MYO5B: variants seen among roughly 807,000 people sequenced by gnomAD.
MYO5B encodes unconventional myosin-Vb.
A neutral mutation model predicts 229.3 loss-of-function variants in MYO5B; 143 were observed. That is an observed-to-expected ratio of 0.62 (90% CI 0.54 to 0.72). The LOEUF (loss-of-function observed/expected upper bound fraction) is 0.72. Ranked by LOEUF, MYO5B falls within the 30% of genes least tolerant of loss-of-function variation. MYO5B has a pLI of 0.00. For missense variants in MYO5B, 2,321 were observed against 2,331.0 expected (o/e 1.00, Z 0.09); for synonymous variants, 918 against 885.2 (o/e 1.04, Z -0.66).
At chr18:50,104,893 A>G (rs1263535483) in intron 1 of MYO5B, among the ~76,000 whole-genome samples, 2 of 152,160 alleles carry the variant, frequency 1.3e-5, no homozygotes, top group African/African-American at 2.4e-5. Context: ...CAGCAATCAC[A>G]GAACTCCAAA....
chr18:49,880,486 C>T, intron 22 of MYO5B, 31 bp from the exon 23 acceptor site: 1 of 1,563,886 alleles, frequency 6.4e-7, no homozygotes, highest in Non-Finnish European at 8.8e-7. Context: ...AAAAATGTCT[C>T]ATGATGCTGG....
chr18:50,115,365 C>A (rs1040777638), intron 1 of MYO5B, among the ~76,000 whole-genome samples: 3 of 152,212 alleles, frequency 2.0e-5, no homozygotes, highest in African/African-American at 7.2e-5. Flanking sequence ...TACGGCTAGA[C>A]TTCACTAGCC....
chr18:50,053,151 T>C (rs1009739057), intron 2 of MYO5B, among the ~76,000 whole-genome samples: 9 of 152,292 alleles, frequency 5.9e-5, no homozygotes, highest in Non-Finnish European at 1.0e-4. Flanking sequence ...CTCATAATGA[T>C]AGCTCAGAGC....
rs1171306031 is a variant in MYO5B at position 49,824,773 on chromosome 18, A to G, written c.*1698T>C. Reference sequence around the variant, plus strand: ...TGGACGTCAGTGATTATGTAACTGTAACTGAAAGAAAAAGGCACAGCTCTG... The same window carrying G: ...TGGACGTCAGTGATTATGTAACTGTGACTGAAAGAAAAAGGCACAGCTCTG... On this transcript the variant is annotated 3_prime_UTR_variant, in exon 40 of 40. Coordinates refer to ENST00000285039, the MANE Select transcript of MYO5B (RefSeq NM_001080467.3). 6.6e-6 allele frequency: 1 copy of G among 152,238 alleles called. No individual in the cohort carries two copies. The highest frequency in any genetic ancestry group is 2.4e-5 in the African/African-American group (1 of 41,456). The allele number at this position is 152,238 out of a possible 1,614,324, so 9.4% of individuals were successfully genotyped here.
chr18:50,086,479 G>A (rs1285793581), intron 1 of MYO5B, among the ~76,000 whole-genome samples: 2 of 152,118 alleles, frequency 1.3e-5, no homozygotes, highest in Admixed American at 1.3e-4. Context: ...ATTCCATTGT[G>A]GTGTGTGCAC....
intron 1 of MYO5B, among the ~76,000 whole-genome samples, chr18:50,125,107 C>T (rs1301325437): frequency 6.6e-6 from 1 of 152,060 alleles, no homozygotes; most frequent in Non-Finnish European, 1.5e-5. Flanking sequence ...GGTCTCCAAG[C>T]CATTTGAATG....
intron 4 of MYO5B, among the ~76,000 whole-genome samples, chr18:50,026,471 A>C (rs1471200009): frequency 3.3e-5 from 5 of 152,260 alleles, no homozygotes; most frequent in Non-Finnish European, 5.9e-5. Flanking sequence ...TCCTCTAGAC[A>C]AATTGAAAAT....
intron 1 of MYO5B, among the ~76,000 whole-genome samples, chr18:50,071,824 C>T (rs2030963999): frequency 6.6e-6 from 1 of 152,176 alleles, no homozygotes; most frequent in Non-Finnish European, 1.5e-5. Flanking sequence ...TGGAAGAATG[C>T]CAAGAGCAGG....
intron 4 of MYO5B, among the ~76,000 whole-genome samples, chr18:50,019,435 A>T (rs1435474328): frequency 6.6e-6 from 1 of 152,094 alleles, no homozygotes; most frequent in African/African-American, 2.4e-5. Context: ...TACAAACACA[A>T]TCCTCTATTT....
intron 5 of MYO5B, among the ~76,000 whole-genome samples, chr18:49,997,327 TC>T (rs2025999573): frequency 2.0e-5 from 3 of 148,240 alleles, no homozygotes; most frequent in Admixed American, 2.0e-4. Flanking sequence ...TATCTGGTCT[TC>T]ATCATCATTT....
intron 17 of MYO5B, among the ~76,000 whole-genome samples, chr18:49,914,825 G>A (rs907728570): frequency 6.6e-5 from 10 of 151,746 alleles, no homozygotes; most frequent in Admixed American, 2.6e-4. Context: ...AACGAGTGCT[G>A]TGGAGTATCA....
At chr18:49,856,939 A>G (rs2024269913) in intron 29 of MYO5B, 49 bp from the exon 30 acceptor site, 1 of 1,499,458 alleles carries the variant, frequency 6.7e-7, no homozygotes, top group African/African-American at 1.4e-5. Flanking sequence ...GACGGAAGAG[A>G]CAGGCAGGCA....
At chr18:50,123,581 A>G (rs1442821027) in intron 1 of MYO5B, among the ~76,000 whole-genome samples, 1 of 152,100 alleles carries the variant, frequency 6.6e-6, no homozygotes, top group Non-Finnish European at 1.5e-5. Flanking sequence ...ATAAATAAAA[A>G]TAAAAAAAAC....
chr18:49,892,384 A>G (rs545283882), intron 22 of MYO5B, among the ~76,000 whole-genome samples: 1 of 152,336 alleles, frequency 6.6e-6, no homozygotes, highest in South Asian at 2.1e-4. Context: ...AGGCCAAGGC[A>G]GGGCAGCCAC....
At position 50,127,257 on chromosome 18, in the gene MYO5B, C is replaced by A. The variant is rs1178946472; in HGVS notation, c.27+67510G>T. On this transcript the variant is annotated intron_variant, in intron 1 of 39. Transcript: ENST00000285039. ...ACCATATTTGGGCACCTATTATATA[C>A]CAGATACTGGCCATCCTTTCTTCTA... 3.9e-5 allele frequency among the ~76,000 whole-genome samples: 6 copies of A among 152,222 alleles called. No homozygotes were observed. In the East Asian group the frequency reaches 7.7e-4, roughly 20 times the overall value.
intron 21 of MYO5B, among the ~76,000 whole-genome samples, chr18:49,898,756 C>T (rs1411664520): frequency 6.6e-6 from 1 of 152,202 alleles, no homozygotes; most frequent in Non-Finnish European, 1.5e-5. Context: ...TGCATAGAAA[C>T]TTGGTGCCAA....
At chr18:50,077,674 G>A (rs2031120662) in intron 1 of MYO5B, among the ~76,000 whole-genome samples, 1 of 152,138 alleles carries the variant, frequency 6.6e-6, no homozygotes, top group Non-Finnish European at 1.5e-5. Flanking sequence ...ACCTGACAAA[G>A]AAGCTTTATC....
At chr18:49,830,140 A>G (rs958730878) in intron 39 of MYO5B, among the ~76,000 whole-genome samples, 26 of 87,652 alleles carry the variant, frequency 3.0e-4, no homozygotes, top group African/African-American at 1.2e-3. Context: ...AAAAACTGAA[A>G]GAATCCACAC....
At chr18:49,971,483 T>C (rs2025691581) in intron 10 of MYO5B, among the ~76,000 whole-genome samples, 2 of 152,188 alleles carry the variant, frequency 1.3e-5, no homozygotes, top group South Asian at 4.1e-4. Flanking sequence ...TTCTCCCAGA[T>C]TAAGAAATGA....
Sources: gnomAD v4.1 joint callset for allele counts (sites outside exome capture counted in the v4.1 genomes callset) on GRCh38, gnomAD v4.1.1 for gene constraint, MANE v1.5 for transcripts, NCBI Gene and HGNC (gene_info 2026-07-23, HGNC 2026-07-21) for gene names.